The following MAP2K3 variants were observed in gnomAD, a reference collection of about 807,000 sequenced individuals.
MAP2K3 encodes mitogen-activated protein kinase kinase 3, also known as dual specificity mitogen-activated protein kinase kinase 3.
In MAP2K3, 30 loss-of-function variants were observed where a neutral mutation model predicts 46.4. That is an observed-to-expected ratio of 0.65 (90% CI 0.48 to 0.88). The LOEUF is 0.88. MAP2K3 is among the 40% of genes least tolerant of loss of function. The pLI, the probability that MAP2K3 is intolerant of heterozygous loss-of-function variation, is 0.00. For missense variants in MAP2K3, 380 were observed against 464.5 expected, an observed-to-expected ratio of 0.82 and a Z score of 1.67; for synonymous variants, 189 against 176.3, an observed-to-expected ratio of 1.07 and a Z score of -0.57.
chr17:21,287,919 C>G (rs151045599), intron 1 of MAP2K3: 2 of 754,630 alleles, frequency 2.7e-6, no homozygotes, highest in Admixed American at 4.7e-5. Context: ...GGCCACCCCC[C>G]CAACCCCTGG....
chr17:21,289,621 C>T (rs1264246095), intron 1 of MAP2K3, among the ~76,000 whole-genome samples: 1 of 152,268 alleles, frequency 6.6e-6, no homozygotes, highest in Non-Finnish European at 1.5e-5. Context: ...CCACCTCCAT[C>T]AGGCCTGTGT....
At chr17:21,297,563 C>T (rs957312438) in intron 1 of MAP2K3, among the ~76,000 whole-genome samples, 11 of 152,424 alleles carry the variant, frequency 7.2e-5, no homozygotes, top group East Asian at 1.9e-4. Flanking sequence ...TGTGGAATGG[C>T]GGCTATGCCT....
At chr17:21,304,775 A>G (rs1184932719) in intron 8 of MAP2K3, among the ~76,000 whole-genome samples, 1 of 152,312 alleles carries the variant, frequency 6.6e-6, no homozygotes, top group Non-Finnish European at 1.5e-5. Flanking sequence ...TGATAAGCTC[A>G]TGGACCACCT....
rs1975680133 is a variant in MAP2K3, at chr17:21,284,839, G to C, written c.-82G>C. 4 of 1,483,316 alleles carry C rather than the reference G, an allele frequency of 2.7e-6. No homozygotes were observed. The South Asian group carries it at 4.9e-5, about 18-fold the overall frequency. 91.9% of individuals were successfully genotyped at this position (1,483,316 alleles called of 1,614,324 possible). A position where few individuals can be genotyped will look rare whatever the true frequency, so the allele number is the denominator to read the frequency against. On this transcript the variant is annotated 5_prime_UTR_variant, in exon 1 of 12. Coordinates refer to ENST00000342679, the MANE Select transcript of MAP2K3 (RefSeq NM_145109.3). ...TCCGCCTGGCCTGGGCCGTCTGCCC[G>C]CAGCCATGAGCGTGCTCGGCCCCGG...
rs761908122 is a variant in MAP2K3, at chr17:21,298,450, C to A, written c.87C>A (p.Cys29Ter). Residue 29 changes from cysteine (C) to a stop codon, truncating the protein, a stop_gained, in exon 2 of 12, where the codon TGC becomes TGA. Transcript: ENST00000342679. LOFTEE classifies it high-confidence loss of function. ...SKRKKDLRIS[C>*]MSKPPAPNPT... Reference sequence around the variant, plus strand: ...GGAAGAAGGATCTACGGATATCCTGCATGTCCAAGCCACCCGCACCCAACC... The same window carrying A: ...GGAAGAAGGATCTACGGATATCCTGAATGTCCAAGCCACCCGCACCCAACC... 1 of 1,614,316 alleles carries A rather than the reference C, an allele frequency of 6.2e-7. No homozygotes were observed. The highest frequency in any genetic ancestry group is 1.1e-5 in the South Asian group (1 of 91,092).
chr17:21,304,335 G>C, intron 7 of MAP2K3, 91 bp from the exon 8 acceptor site: 1 of 1,599,284 alleles, frequency 6.3e-7, no homozygotes, highest in Non-Finnish European at 8.5e-7. Context: ...AGGGGTCTTG[G>C]GCGAGGGAGG....
intron 2 of MAP2K3, 64 bp downstream of exon 2, chr17:21,298,543 A>G (rs2144546848): frequency 1.2e-6 from 2 of 1,613,504 alleles, no homozygotes; most frequent in East Asian, 2.2e-5. Context: ...GGCTCAATGG[A>G]AGGAGTGAGA....
chr17:21,298,694 G>T (rs890211484), intron 2 of MAP2K3, among the ~76,000 whole-genome samples, 184 bp from the exon 3 acceptor site: 1 of 152,312 alleles, frequency 6.6e-6, no homozygotes, highest in Non-Finnish European at 1.5e-5. Flanking sequence ...TTGGAGGCTC[G>T]ATGAGGCCGT....
At position 21,312,241 on chromosome 17, in the gene MAP2K3, G is replaced by A; in HGVS notation, c.874G>A (p.Asp292Asn). The A allele has an allele frequency of 3.1e-6, 5 of 1,602,314 alleles. No homozygotes were observed. The highest frequency in any genetic ancestry group is 1.1e-5 in the South Asian group (1 of 89,620). The change falls in exon 10 of 12, where the codon GAC (aspartate) becomes AAC (asparagine). Residue 292 changes from aspartate to asparagine, a missense_variant. Coordinates refer to ENST00000342679, the MANE Select transcript of MAP2K3 (RefSeq NM_145109.3). ...VEEPSPQLPA[D>N]RFSPEFVDFT... is the part of the protein sequence containing the mutation. Reference sequence around the variant, plus strand: ...GGAGCCGTCCCCCCAGCTCCCAGCCGACCGTTTCTCCCCCGAGTTTGTGGA... The same window carrying A: ...GGAGCCGTCCCCCCAGCTCCCAGCCAACCGTTTCTCCCCCGAGTTTGTGGA...
chr17:21,303,440 A>G (rs1976718046), intron 7 of MAP2K3, among the ~76,000 whole-genome samples: 1 of 152,312 alleles, frequency 6.6e-6, no homozygotes, highest in Non-Finnish European at 1.5e-5. Context: ...GACTGGCTTG[A>G]CTTCTGTCCT....
At chr17:21,297,299 T>C (rs1203221023) in intron 1 of MAP2K3, among the ~76,000 whole-genome samples, 1 of 152,304 alleles carries the variant, frequency 6.6e-6, no homozygotes, top group Non-Finnish European at 1.5e-5. Context: ...AGCAGGGCCA[T>C]GGGCAGTTTC....
chr17:21,313,339 T>C (rs1364632306), intron 10 of MAP2K3, among the ~76,000 whole-genome samples, 153 bp from the exon 11 acceptor site: 5 of 152,298 alleles, frequency 3.3e-5, no homozygotes, highest in Admixed American at 1.3e-4. Context: ...CCCTCCACCC[T>C]GGAAGAAGCC....
rs926158725 is a variant in MAP2K3 at position 21,288,091 on chromosome 17, G to A, written c.49+3122G>A. ...GGCCGGGGCAGCGGAGGCTTCCGGC[G>A]GTGAGTCAGCGGGCACTGGGTGCTG... On this transcript the variant is annotated intron_variant, in intron 1 of 11. Transcript: ENST00000342679. 1.2e-5 allele frequency: 15 copies of A among 1,289,110 alleles called. 1 individual carries two copies. The highest frequency in any genetic ancestry group is 1.1e-4 in the African/African-American group (7 of 65,864). The allele number at this position is 1,289,110 out of a possible 1,614,324, so 79.9% of individuals were successfully genotyped here.
intron 1 of MAP2K3, chr17:21,296,198 C>T (rs1393270830): frequency 7.8e-7 from 1 of 1,288,990 alleles, no homozygotes; most frequent in Non-Finnish European, 1.0e-6. Context: ...TCCTGCAGCA[C>T]TGTGCGGGGC....
At chr17:21,297,080 G>A (rs2144533893) in intron 1 of MAP2K3, among the ~76,000 whole-genome samples, 2 of 152,430 alleles carry the variant, frequency 1.3e-5, no homozygotes, top group South Asian at 4.1e-4. Flanking sequence ...CCCTGTCCCT[G>A]CCAAGGCTAT....
In MAP2K3 at chr17:21,300,936, C is replaced by T. The variant is rs745459127; in HGVS notation, c.342C>T (p.Asn114=). Residue 114 remains asparagine, a synonymous_variant, in exon 5 of 12, where the codon AAC becomes AAT. Transcript: ENST00000342679. The stretch of plus-strand genomic sequence containing the variant: ...GGCTGCTCATGGACCTGGACATCAA[C>T]ATGCGCACGGTCGACTGTTTCTACA... The part of the protein sequence containing the change: ...QKRLLMDLDI[N]MRTVDCFYTV... The T allele has an allele frequency of 1.2e-6, 2 of 1,614,252 alleles. No homozygotes were observed. Among genetic ancestry groups the T allele is most frequent in the Non-Finnish European group, 1.7e-6 (2 of 1,180,032 alleles).
rs368790503 is a variant in MAP2K3, at chr17:21,302,040, C to T, written c.400-103C>T. 1.4e-3 allele frequency: 1,665 copies of T among 1,195,644 alleles called. 1 individual carries two copies. In the East Asian group the frequency reaches 0.03, roughly 22 times the overall value. The allele number at this position is 1,195,644 out of a possible 1,614,324, so 74.1% of individuals were successfully genotyped here. A position where few individuals can be genotyped will look rare whatever the true frequency, so the allele number is the denominator to read the frequency against. On this transcript the variant is annotated intron_variant, in intron 5 of 11. Coordinates refer to ENST00000342679, the MANE Select transcript of MAP2K3 (RefSeq NM_145109.3). ...TGTGGCTGAGTGGGTGGGCACACGT[C>T]GGAGAGGGGGCTGGGGCTGGGGCTG...
At chr17:21,302,547 A>T (rs1026960280) in intron 6 of MAP2K3, among the ~76,000 whole-genome samples, 12 of 152,418 alleles carry the variant, frequency 7.9e-5, no homozygotes, top group Non-Finnish European at 1.3e-4. Flanking sequence ...ATCATTTTTT[A>T]AAAAAGGAAT....
chr17:21,312,654 C>T (rs72838572), intron 10 of MAP2K3, among the ~76,000 whole-genome samples: 5 of 152,150 alleles, frequency 3.3e-5, no homozygotes, highest in East Asian at 1.9e-4. Context: ...CGGTGGCTCA[C>T]GCCTGTAATC....
Sources: allele counts gnomAD v4.1 joint callset (sites outside exome capture counted in the v4.1 genomes callset), GRCh38; gene constraint gnomAD v4.1.1; transcripts MANE v1.5; gene names NCBI Gene and HGNC (gene_info 2026-07-23, HGNC 2026-07-21).